Variants in NPAS3 observed in about 807,000 individuals in gnomAD.
The protein encoded by NPAS3 is neuronal PAS domain-containing protein 3.
NPAS3 carries 14 observed loss-of-function variants against 73.1 expected under a neutral mutation model. The ratio of observed to expected loss-of-function variants is 0.19; its 90% CI spans 0.13 to 0.30. The LOEUF is 0.30. NPAS3 is among the 10% of genes least tolerant of loss of function. The pLI is 1.00. For synonymous variants in NPAS3, 620 were observed against 541.5 expected (o/e 1.14, Z -2.01); for missense variants, 1,096 against 1,250.0 (o/e 0.88, Z 1.86).
chr14:33,757,659 A>C (rs1566506414), intron 7 of NPAS3, among the ~76,000 whole-genome samples: 1 of 152,222 alleles, frequency 6.6e-6, no homozygotes, highest in Non-Finnish European at 1.5e-5. Context: ...GAAGTAAGAA[A>C]ACATTCCTAG....
chr14:33,244,148 A>AC (rs1441520831), intron 3 of NPAS3, among the ~76,000 whole-genome samples: 2 of 152,088 alleles, frequency 1.3e-5, no homozygotes, highest in East Asian at 1.9e-4. Flanking sequence ...TAAAAAAAAA[A>AC]AAAACTATGC....
chr14:33,076,955 G>A (rs1595388781), intron 2 of NPAS3, among the ~76,000 whole-genome samples: 1 of 152,026 alleles, frequency 6.6e-6, no homozygotes, highest in Non-Finnish European at 1.5e-5. Context: ...AAATATCCAG[G>A]ACTTTGTGAG....
intron 6 of NPAS3, among the ~76,000 whole-genome samples, chr14:33,689,758 T>C (rs1019421109): frequency 5.3e-5 from 8 of 152,230 alleles, no homozygotes; most frequent in South Asian, 2.1e-4. Context: ...ACGTTTTTTG[T>C]ATGCTCAGTT....
intron 2 of NPAS3, among the ~76,000 whole-genome samples, chr14:33,153,840 G>T (rs1015261670): frequency 7.2e-5 from 11 of 152,052 alleles, no homozygotes; most frequent in Non-Finnish European, 1.3e-4. Context: ...CTGTTGGCTT[G>T]GGGTCTCTTG....
intron 5 of NPAS3, among the ~76,000 whole-genome samples, chr14:33,632,484 C>G (rs1206742432): frequency 1.3e-5 from 2 of 152,188 alleles, no homozygotes; most frequent in Non-Finnish European, 2.9e-5. Context: ...AAGTTAACTG[C>G]TGTATTTATA....
intron 2 of NPAS3, among the ~76,000 whole-genome samples, chr14:33,073,655 G>A (rs1045805157): frequency 1.3e-5 from 2 of 152,158 alleles, no homozygotes; most frequent in Admixed American, 6.5e-5. Context: ...ACAAAAGATG[G>A]AAACAATTTC....
intron 2 of NPAS3, among the ~76,000 whole-genome samples, chr14:33,184,947 T>A (rs2045930072): frequency 6.6e-6 from 1 of 152,218 alleles, no homozygotes; most frequent in Non-Finnish European, 1.5e-5. Context: ...CTTCTTTTTT[T>A]AAATCATGTC....
chr14:33,281,408 A>T (rs2140063501), intron 3 of NPAS3, among the ~76,000 whole-genome samples: 1 of 152,286 alleles, frequency 6.6e-6, no homozygotes, highest in East Asian at 1.9e-4. Flanking sequence ...AGGCAGGTGG[A>T]TCACTTAAGG....
chr14:33,430,469 C>T (rs1479299057), intron 4 of NPAS3, among the ~76,000 whole-genome samples: 1 of 152,078 alleles, frequency 6.6e-6, no homozygotes, highest in African/African-American at 2.4e-5. Context: ...GCATGGGTGG[C>T]CTAGCAGAGT....
chr14:33,345,745 C>T (rs2044698149), intron 3 of NPAS3, among the ~76,000 whole-genome samples: 1 of 152,192 alleles, frequency 6.6e-6, no homozygotes, highest in South Asian at 2.1e-4. Flanking sequence ...GTTCAACAGA[C>T]AAGCTGCCCT....
At chr14:33,490,399 C>A (rs966888916) in intron 4 of NPAS3, among the ~76,000 whole-genome samples, 1 of 152,042 alleles carries the variant, frequency 6.6e-6, no homozygotes, top group South Asian at 2.1e-4. Context: ...TTATCATTGC[C>A]TCTGTTAATT....
At chr14:33,044,932 C>T (rs936727972) in intron 1 of NPAS3, among the ~76,000 whole-genome samples, 1 of 152,122 alleles carries the variant, frequency 6.6e-6, no homozygotes, top group African/African-American at 2.4e-5. Flanking sequence ...GGCTCTGTTC[C>T]ACAGGTTCCT....
chr14:33,418,803 C>A (rs1179992630), intron 4 of NPAS3, among the ~76,000 whole-genome samples: 5 of 151,918 alleles, frequency 3.3e-5, no homozygotes, highest in African/African-American at 1.2e-4. Flanking sequence ...GACAGCCCTG[C>A]TCTTGGTTCT....
chr14:33,152,165 G>T (rs2044471798), intron 2 of NPAS3, among the ~76,000 whole-genome samples: 1 of 152,004 alleles, frequency 6.6e-6, no homozygotes, highest in South Asian at 2.1e-4. Context: ...GCGCAGGAAA[G>T]CCCCTGCAAC....
intron 4 of NPAS3, among the ~76,000 whole-genome samples, chr14:33,522,760 A>G (rs2053613117): frequency 6.6e-6 from 1 of 152,146 alleles, no homozygotes; most frequent in Non-Finnish European, 1.5e-5. Flanking sequence ...CACCATGTAC[A>G]CTAAGAAAGC....
At chr14:33,490,588 G>A (rs2051845358) in intron 4 of NPAS3, among the ~76,000 whole-genome samples, 1 of 152,082 alleles carries the variant, frequency 6.6e-6, no homozygotes, top group Non-Finnish European at 1.5e-5. Flanking sequence ...TACAGCTTCT[G>A]CAACCAGACC....
chr14:33,337,695 T>C (rs2044290998), intron 3 of NPAS3, among the ~76,000 whole-genome samples: 2 of 152,108 alleles, frequency 1.3e-5, no homozygotes, highest in Admixed American at 1.3e-4. Flanking sequence ...GTTTGAATAC[T>C]GAGTCTCTCA....
intron 5 of NPAS3, among the ~76,000 whole-genome samples, chr14:33,643,848 T>C (rs2058748021): frequency 6.6e-6 from 1 of 152,238 alleles, no homozygotes; most frequent in African/African-American, 2.4e-5. Context: ...TTTTAAATAA[T>C]GTATGTAAAT....
At chr14:33,466,194 C>T (rs2050518095) in intron 4 of NPAS3, among the ~76,000 whole-genome samples, 1 of 152,078 alleles carries the variant, frequency 6.6e-6, no homozygotes. Context: ...CATGGCCCAA[C>T]CTGAGGGTGT....
Sources: gnomAD v4.1 joint callset for allele counts (sites outside exome capture counted in the v4.1 genomes callset) on GRCh38, gnomAD v4.1.1 for gene constraint, MANE v1.5 for transcripts, NCBI Gene and HGNC (gene_info 2026-07-23, HGNC 2026-07-21) for gene names.